Variants in TENT5C observed in about 807,000 individuals in gnomAD.
TENT5C encodes the protein family with sequence similarity 46 member C.
Under a neutral mutation model 22.2 loss-of-function variants are expected in TENT5C, and 5 were observed. The observed-to-expected ratio is 0.22, with a 90% CI of 0.12 to 0.47. TENT5C has a LOEUF of 0.47. Among genes scored for constraint, TENT5C ranks in the 20% least tolerant of loss-of-function variants. TENT5C has a pLI of 0.99. For synonymous variants in TENT5C, 199 were observed against 195.4 expected (o/e 1.02, Z -0.15); for missense variants, 364 against 500.9 (o/e 0.73, Z 2.61).
chr1:117,627,608 C>T lies in TENT5C; in HGVS notation c.*3564C>T, dbSNP rs550799819. On this transcript the variant is annotated 3_prime_UTR_variant, in exon 2 of 2. Transcript: ENST00000369448. ...GACCAGGGCTCTGTGTCAGGGAAAA[C>T]CTTCTGGGTGGACTTTGTAAGAATC... 4.7e-3 allele frequency: 1,172 copies of T among 248,064 alleles called. 6 individuals carry two copies. Among genetic ancestry groups the T allele is most frequent in the Non-Finnish European group, 7.3e-3 (861 of 118,098 alleles). 15.4% of individuals were successfully genotyped at this position (248,064 alleles called of 1,614,324 possible).
At chr1:117,622,563 C>T (rs1320325463) in intron 1 of TENT5C, among the ~76,000 whole-genome samples, 2 of 151,960 alleles carry the variant, frequency 1.3e-5, no homozygotes, top group South Asian at 4.2e-4. Flanking sequence ...GAAACACACT[C>T]CGTTTCAGCA....
rs71766466 is a variant in TENT5C at position 117,627,844 on chromosome 1, CTGTGTG to C, written c.*3815_*3820del. 15 of 238,908 alleles carry C rather than the reference CTGTGTG, an allele frequency of 6.3e-5. No individual in the cohort carries two copies. Among genetic ancestry groups the C allele is most frequent in the Admixed American group, 1.2e-4 (2 of 17,308 alleles). 14.8% of individuals were successfully genotyped at this position (238,908 alleles called of 1,614,324 possible). ...AAGGTTAAGATCAGGAAATAAAAGA[CTGTGTG>C]TGTGTGTGTGTGTGCGTGTGTGTGT... On this transcript the variant is annotated 3_prime_UTR_variant, in exon 2 of 2. Transcript: ENST00000369448.
intron 1 of TENT5C, among the ~76,000 whole-genome samples, chr1:117,619,173 C>T (rs1372488767): frequency 1.3e-5 from 2 of 152,036 alleles, no homozygotes; most frequent in African/African-American, 4.8e-5. Context: ...GTAGACTTAC[C>T]AGAAGTAGAA....
At chr1:117,621,485 G>T (rs550613210) in intron 1 of TENT5C, among the ~76,000 whole-genome samples, 1 of 152,250 alleles carries the variant, frequency 6.6e-6, no homozygotes, top group South Asian at 2.1e-4. Context: ...AGCCTGAAGA[G>T]CTCATCTCCA....
At position 117,624,212 on chromosome 1, in the gene TENT5C, T is replaced by C; in HGVS notation, c.*168T>C. 3.2e-6 allele frequency: 2 copies of C among 628,478 alleles called. No individual in the cohort carries two copies. Among genetic ancestry groups the C allele is most frequent in the Admixed American group, 3.1e-5 (1 of 31,842 alleles). The allele number at this position is 628,478 out of a possible 1,614,324, so 38.9% of individuals were successfully genotyped here. On this transcript the variant is annotated 3_prime_UTR_variant, in exon 2 of 2. Transcript: ENST00000369448. The stretch of plus-strand genomic sequence containing the variant: ...TGTACCCATTGGAATGGGTCTACAG[T>C]GTATCATGAGCCAACCCTCAAAGGA...
Position 117,623,436 on chromosome 1 carries a change from T to C in TENT5C, c.568T>C (p.Ser190Pro). ...SVDSFQIILDSLLFFYDCSNN... is the reference protein window; with the variant it reads ...SVDSFQIILDPLLFFYDCSNN... ...GGACTCTTTCCAAATCATCCTGGAT[T>C]CTTTGCTTTTCTTCTATGACTGTTC... Residue 190 changes from serine (S) to proline (P), a missense_variant, in exon 2 of 2, where the codon TCT becomes CCT. This residue lies in a region of TENT5C where 303 missense variants were observed against 394.5 expected (regional missense o/e 0.77). Coordinates refer to ENST00000369448, the MANE Select transcript of TENT5C (RefSeq NM_017709.4). 1 of 1,614,072 alleles carries C rather than the reference T, an allele frequency of 6.2e-7. No individual in the cohort carries two copies. Among genetic ancestry groups the C allele is most frequent in the Non-Finnish European group, 8.5e-7 (1 of 1,180,016 alleles).
At chr1:117,612,920 T>C (rs1207708160) in intron 1 of TENT5C, among the ~76,000 whole-genome samples, 1 of 152,220 alleles carries the variant, frequency 6.6e-6, no homozygotes, top group African/African-American at 2.4e-5. Flanking sequence ...GAGAGTTAGA[T>C]GGTAAAGTAG....
chr1:117,620,652 G>A (rs181367707), intron 1 of TENT5C, among the ~76,000 whole-genome samples: 1 of 152,284 alleles, frequency 6.6e-6, no homozygotes, highest in Admixed American at 6.5e-5. Flanking sequence ...GAGATGAGTG[G>A]CAGGTGAGCG....
At position 117,627,817 on chromosome 1, in the gene TENT5C, C is replaced by G. The variant is rs1350048880; in HGVS notation, c.*3773C>G. ...TTTTCAGGATTATTTGTGGAGAACT[C>G]TAAGGTTAAGATCAGGAAATAAAAG... On this transcript the variant is annotated 3_prime_UTR_variant, in exon 2 of 2. Transcript: ENST00000369448. 1 of 247,398 alleles carries G rather than the reference C, an allele frequency of 4.0e-6. No individual in the cohort carries two copies. The highest frequency in any genetic ancestry group is 8.5e-6 in the Non-Finnish European group (1 of 118,022). The allele number at this position is 247,398 out of a possible 1,614,324, so 15.3% of individuals were successfully genotyped here. A position where few individuals can be genotyped will look rare whatever the true frequency, so the allele number is the denominator to read the frequency against.
Position 117,625,924 on chromosome 1 carries a change from A to G in TENT5C, c.*1880A>G. Reference sequence around the variant, plus strand: ...GTGAGCCTTAGTTATATTTTAATTCAGTGGCTTTGAGTCAAGGCCGGTTCT... The same window carrying G: ...GTGAGCCTTAGTTATATTTTAATTCGGTGGCTTTGAGTCAAGGCCGGTTCT... On this transcript the variant is annotated 3_prime_UTR_variant, in exon 2 of 2. Coordinates refer to ENST00000369448, the MANE Select transcript of TENT5C (RefSeq NM_017709.4). The G allele has an allele frequency of 4.0e-6, 1 of 247,890 alleles. No individual in the cohort carries two copies. The highest frequency in any genetic ancestry group is 6.0e-5 in the East Asian group (1 of 16,554). 15.4% of individuals were successfully genotyped at this position (247,890 alleles called of 1,614,324 possible). A position where few individuals can be genotyped will look rare whatever the true frequency, so the allele number is the denominator to read the frequency against.
chr1:117,609,105 G>C (rs139248373), intron 1 of TENT5C, among the ~76,000 whole-genome samples: 39 of 152,324 alleles, frequency 2.6e-4, no homozygotes, highest in Non-Finnish European at 4.3e-4. Flanking sequence ...AGACACCTCT[G>C]TGTTTAAAGA....
rs750335875 is a variant in TENT5C, at chr1:117,623,844, C to T, written c.976C>T (p.Arg326Cys). Reference sequence around the variant, plus strand: ...CACCGTGTGTCTCATGGGGCATGAACGCAGGCAGACTCTGAACCTCATCTC... The same window carrying T: ...CACCGTGTGTCTCATGGGGCATGAATGCAGGCAGACTCTGAACCTCATCTC... Reference protein sequence around the residue: ...ESTVCLMGHERRQTLNLISLL... With the variant: ...ESTVCLMGHECRQTLNLISLL... The change falls in exon 2 of 2, where the codon CGC becomes TGC. Residue 326 changes from arginine to cysteine, a missense_variant. Physicochemically the swap from Arg to Cys is radical, Grantham distance 180 (BLOSUM62 -3). This residue lies in a region of TENT5C where 7 missense variants were observed against 29.9 expected (regional missense o/e 0.23). Transcript: ENST00000369448. 3.7e-6 allele frequency: 6 copies of T among 1,614,022 alleles called. No homozygotes were observed. Among genetic ancestry groups the T allele is most frequent in the Admixed American group, 3.3e-5 (2 of 59,994 alleles).
intron 1 of TENT5C, among the ~76,000 whole-genome samples, chr1:117,611,182 A>G (rs116727472): frequency 3.3e-5 from 5 of 152,334 alleles, no homozygotes; most frequent in East Asian, 1.9e-4. Flanking sequence ...GGCAGTTTCA[A>G]TCGTCATTCC....
At chr1:117,615,174 C>T (rs1653754924) in intron 1 of TENT5C, among the ~76,000 whole-genome samples, 1 of 152,202 alleles carries the variant, frequency 6.6e-6, no homozygotes, top group African/African-American at 2.4e-5. Flanking sequence ...AACTTCTTTC[C>T]TACCATCTTA....
chr1:117,619,976 T>G (rs1360998368), intron 1 of TENT5C, among the ~76,000 whole-genome samples: 1 of 152,234 alleles, frequency 6.6e-6, no homozygotes, highest in Admixed American at 6.5e-5. Flanking sequence ...TTCTGGCTGT[T>G]TCTGCCTCTC....
rs1473440553 is a variant in TENT5C at position 117,623,414 on chromosome 1, C to T, written c.546C>T (p.Asp182=). The change falls in exon 2 of 2, where the codon GAC becomes GAT. Residue 182 remains aspartate (D), a synonymous_variant. Transcript: ENST00000369448. The part of the protein sequence containing the change: ...SIRRQFEFSV[D]SFQIILDSLL... ...GGCGTCAGTTTGAGTTCAGTGTGGA[C>T]TCTTTCCAAATCATCCTGGATTCTT... 1 of 1,614,166 alleles carries T rather than the reference C, an allele frequency of 6.2e-7. No homozygotes were observed. Among genetic ancestry groups the T allele is most frequent in the Admixed American group, 1.7e-5 (1 of 60,016 alleles).
intron 1 of TENT5C, among the ~76,000 whole-genome samples, chr1:117,618,840 C>T (rs888381374): frequency 6.6e-6 from 1 of 152,178 alleles, no homozygotes; most frequent in Non-Finnish European, 1.5e-5. Flanking sequence ...TTTCCAGAGA[C>T]TTTATATGCT....
At chr1:117,619,232 G>A (rs757626964) in intron 1 of TENT5C, among the ~76,000 whole-genome samples, 6 of 152,124 alleles carry the variant, frequency 3.9e-5, no homozygotes, top group Admixed American at 1.3e-4. Flanking sequence ...TCTTGTGTCC[G>A]GAGAGAGCCC....
intron 1 of TENT5C, among the ~76,000 whole-genome samples, chr1:117,621,232 G>A (rs1653888579): frequency 6.6e-6 from 1 of 152,106 alleles, no homozygotes; most frequent in African/African-American, 2.4e-5. Context: ...TGCAGAGCCT[G>A]CTGTGATCAC....
Sources: gnomAD v4.1 joint callset for allele counts (sites outside exome capture counted in the v4.1 genomes callset) on GRCh38, gnomAD v4.1.1 for gene constraint, gnomAD v4.1.1 regional missense constraint, MANE v1.5 for transcripts, NCBI Gene and HGNC (gene_info 2026-07-23, HGNC 2026-07-21) for gene names.